Variants in ARL10 observed in about 807,000 individuals in gnomAD.
ARL10 encodes ARF like GTPase 10.
In ARL10, 23 loss-of-function variants were observed where a neutral mutation model predicts 26.1. The observed-to-expected ratio is 0.88, with a 90% CI of 0.63 to 1.25. The LOEUF (loss-of-function observed/expected upper bound fraction) is 1.25, where lower values mean the gene tolerates loss of function less well. Ranked by LOEUF, ARL10 falls within the 50% of genes most tolerant of loss-of-function variation. ARL10 has a pLI of 0.00. For missense variants in ARL10, 300 were observed against 323.6 expected, an observed-to-expected ratio of 0.93 and a Z score of 0.56; for synonymous variants, 138 against 149.1, an observed-to-expected ratio of 0.93 and a Z score of 0.54.
rs1044804249 is a variant in ARL10, at chr5:176,368,304, A to G, written c.386-503A>G. Among the ~76,000 whole-genome samples, 7 of 152,144 alleles carry G rather than the reference A, an allele frequency of 4.6e-5. No individual in the cohort carries two copies. Among genetic ancestry groups the G allele is most frequent in the African/African-American group, 1.7e-4 (7 of 41,436 alleles). ...CAGGGCAGGGGGTCCTGAGTTTTCTAGACAATAGGACTCCTGGCTCCTGTC... is the reference window on the plus strand; with the variant it reads ...CAGGGCAGGGGGTCCTGAGTTTTCTGGACAATAGGACTCCTGGCTCCTGTC... On this transcript the variant is annotated intron_variant, in intron 2 of 3. Coordinates refer to ENST00000310389, the MANE Select transcript of ARL10 (RefSeq NM_173664.6). The surrounding 1 kb of genome is among the most constrained non-coding windows in gnomAD (Gnocchi z 4.1).
chr5:176,382,174 C>T (rs993393386), downstream of ARL10, among the ~76,000 whole-genome samples: 1 of 152,214 alleles, frequency 6.6e-6, no homozygotes, highest in African/African-American at 2.4e-5. Flanking sequence ...AAGAACCTCA[C>T]CTAACTGGCT....
intron 1 of ARL10, among the ~76,000 whole-genome samples, chr5:176,397,390 CCT>C (rs1472728977): frequency 9.1e-5 from 13 of 142,336 alleles, no homozygotes; most frequent in Non-Finnish European, 1.7e-4. Flanking sequence ...CCCACAGCTC[CCT>C]CTCATGTCCC....
In ARL10 at chr5:176,377,299, G is replaced by A. The variant is rs1768711515; in HGVS notation, c.*5404G>A. 6.6e-6 allele frequency: 1 copy of A among 152,216 alleles called. No individual in the cohort carries two copies. The highest frequency in any genetic ancestry group is 2.1e-4 in the South Asian group (1 of 4,836). The allele number at this position is 152,216 out of a possible 1,614,324, so 9.4% of individuals were successfully genotyped here. Reference sequence around the variant, plus strand: ...ATTTGTCCTTTTGACCTTTCCAGAAGACTGAGGGTGAAAGGGACAATGGTA... The same window carrying A: ...ATTTGTCCTTTTGACCTTTCCAGAAAACTGAGGGTGAAAGGGACAATGGTA... On this transcript the variant is annotated 3_prime_UTR_variant, in exon 4 of 4. Transcript: ENST00000310389. The surrounding 1 kb of genome is among the most constrained non-coding windows in gnomAD (Gnocchi z 4.5).
downstream of ARL10, chr5:176,383,890 C>G: frequency 1.5e-6 from 2 of 1,346,760 alleles, no homozygotes; most frequent in Non-Finnish European, 2.0e-6. Context: ...GTGGTTTTCA[C>G]CGGGGCAGCC....
the ARL10 span, chr5:176,410,343 GC>G: frequency 2.5e-6 from 4 of 1,588,238 alleles, no homozygotes; most frequent in Non-Finnish European, 3.5e-6. Context: ...TCACTGTTTA[GC>G]TTATAGCAAG....
chr5:176,371,627 G>C (rs1768549398), intron 3 of ARL10, 95 bp from the exon 4 acceptor site: 1 of 851,094 alleles, frequency 1.2e-6, no homozygotes, highest in Non-Finnish European at 1.9e-6. Context: ...ATATTCCCGG[G>C]GATAGCCTAA....
Position 176,371,965 on chromosome 5 carries a change from C to G in ARL10, c.*70C>G. 9.7e-6 allele frequency: 15 copies of G among 1,550,490 alleles called. No homozygotes were observed. The highest frequency in any genetic ancestry group is 1.3e-5 in the Non-Finnish European group (15 of 1,146,786). ...GTACTGCTGCTGCTTCATTGCCAGA[C>G]TGGGCCTGGGGCAAGAGCCACATGG... On this transcript the variant is annotated 3_prime_UTR_variant, in exon 4 of 4. Coordinates refer to ENST00000310389, the MANE Select transcript of ARL10 (RefSeq NM_173664.6).
chr5:176,372,964 G>C lies in ARL10; in HGVS notation c.*1069G>C, dbSNP rs1768590309. 1 of 398,482 alleles carries C rather than the reference G, an allele frequency of 2.5e-6. No homozygotes were observed. Among genetic ancestry groups the C allele is most frequent in the Non-Finnish European group, 4.4e-6 (1 of 226,074 alleles). The allele number at this position is 398,482 out of a possible 1,614,324, so 24.7% of individuals were successfully genotyped here. A position where few individuals can be genotyped will look rare whatever the true frequency, so the allele number is the denominator to read the frequency against. ...GATGTCAGTGGAGACAAAGTTGTGG[G>C]TTCCTCCTCCCACCTGGCTTTGAGG... is the stretch of plus-strand genomic sequence containing the variant. On this transcript the variant is annotated 3_prime_UTR_variant, in exon 4 of 4. Transcript: ENST00000310389.
downstream of ARL10, among the ~76,000 whole-genome samples, chr5:176,390,398 T>G (rs1276466486): frequency 3.3e-5 from 5 of 151,968 alleles, no homozygotes; most frequent in African/African-American, 9.7e-5. Flanking sequence ...TGCTCCCACC[T>G]CCCTAGAGTC....
At position 176,372,751 on chromosome 5, in the gene ARL10, G is replaced by T. The variant is rs1338346678; in HGVS notation, c.*856G>T. 5.0e-6 allele frequency: 2 copies of T among 396,906 alleles called. No individual in the cohort carries two copies. The highest frequency in any genetic ancestry group is 4.1e-5 in the African/African-American group (2 of 48,600). 24.6% of individuals were successfully genotyped at this position (396,906 alleles called of 1,614,324 possible). On this transcript the variant is annotated 3_prime_UTR_variant, in exon 4 of 4. Coordinates refer to ENST00000310389, the MANE Select transcript of ARL10 (RefSeq NM_173664.6). ...GGAAGGAAGGAGCCTGTGTCCCTGG[G>T]ACGACAGTCAACTGGAGCTAGGTGT...
In ARL10 at chr5:176,393,924, C is replaced by T. The variant is rs888380707; in HGVS notation, c.134-7817C>T. ...TCGCTCACAAGTCCCTGGAAGCCCCCTCTCCATCTCAAGCAGGACCAGTTC... is the reference window on the plus strand; with the variant it reads ...TCGCTCACAAGTCCCTGGAAGCCCCTTCTCCATCTCAAGCAGGACCAGTTC... On this transcript the variant is annotated intron_variant, in intron 1 of 1. Coordinates refer to the ARL10 transcript ENST00000514533. The surrounding 1 kb of genome is among the most constrained non-coding windows in gnomAD (Gnocchi z 4.4). Among the ~76,000 whole-genome samples, 4 of 152,208 alleles carry T rather than the reference C, an allele frequency of 2.6e-5. No individual in the cohort carries two copies. The highest frequency in any genetic ancestry group is 5.9e-5 in the Non-Finnish European group (4 of 68,032).
At chr5:176,366,333 T>A (rs1039025689) in intron 1 of ARL10, 47 bp from the exon 2 acceptor site, 2 of 1,555,328 alleles carry the variant, frequency 1.3e-6, no homozygotes, top group East Asian at 2.4e-5. Context: ...TCGGGAAAGG[T>A]CCTTCGGGAG....
the ARL10 span, chr5:176,410,178 A>G: frequency 8.2e-7 from 1 of 1,226,580 alleles, no homozygotes; most frequent in Non-Finnish European, 1.2e-6. Context: ...TGGAGCTGTA[A>G]GCCTACAACA....
downstream of ARL10, chr5:176,389,224 C>T (rs1756157855): frequency 2.2e-6 from 3 of 1,374,390 alleles, no homozygotes; most frequent in Non-Finnish European, 3.0e-6. Flanking sequence ...GCCGCCCTCC[C>T]TCCGCTGTGA....
chr5:176,371,346 G>A (rs1768533870), intron 3 of ARL10, among the ~76,000 whole-genome samples: 1 of 152,222 alleles, frequency 6.6e-6, no homozygotes, highest in African/African-American at 2.4e-5. Context: ...TCGTGCCACT[G>A]CACTCCAGCC....
downstream of ARL10, among the ~76,000 whole-genome samples, chr5:176,391,002 C>T (rs957700380): frequency 4.6e-5 from 7 of 152,114 alleles, no homozygotes; most frequent in East Asian, 1.9e-4. Context: ...TGAGGACCTG[C>T]GCTCTTCCCG....
At chr5:176,384,202 C>T (rs1453484295), downstream of ARL10, 2 of 1,614,160 alleles carry the variant, frequency 1.2e-6, no homozygotes, top group Admixed American at 1.7e-5. Flanking sequence ...GGGGACGCCT[C>T]AGCCTGGGGC....
At chr5:176,390,099 T>G (rs1756201166), downstream of ARL10, among the ~76,000 whole-genome samples, 1 of 148,734 alleles carries the variant, frequency 6.7e-6, no homozygotes, top group Non-Finnish European at 1.5e-5. Context: ...GGAGAATCAC[T>G]TGAACCCGGG....
At chr5:176,388,843 T>G (rs575902227), downstream of ARL10, 2 of 1,614,034 alleles carry the variant, frequency 1.2e-6, no homozygotes, top group South Asian at 2.2e-5. Flanking sequence ...GCCCTGTGAT[T>G]CCGGAGGTCC....
Sources: allele counts gnomAD v4.1 joint callset (sites outside exome capture counted in the v4.1 genomes callset), GRCh38; gene constraint gnomAD v4.1.1; non-coding constraint Gnocchi (gnomAD v3.1); transcripts MANE v1.5; gene names NCBI Gene and HGNC (gene_info 2026-07-23, HGNC 2026-07-21).